GRIP2: variants seen among roughly 807,000 people sequenced by gnomAD.
GRIP2 encodes the protein glutamate receptor-interacting protein 2.
Under a neutral mutation model 108.3 loss-of-function variants are expected in GRIP2, and 58 were observed. The ratio of observed to expected loss-of-function variants is 0.54; its 90% confidence interval spans 0.43 to 0.67. The LOEUF (loss-of-function observed/expected upper bound fraction) is 0.67, where lower values mean the gene tolerates loss of function less well. Among genes scored for constraint, GRIP2 ranks in the 30% least tolerant of loss-of-function variants. The pLI is 0.00. For missense variants in GRIP2, 1,278 were observed against 1,430.6 expected (o/e 0.89, Z 1.72); for synonymous variants, 586 against 598.2 (o/e 0.98, Z 0.30).
the GRIP2 span, among the ~76,000 whole-genome samples, chr3:14,572,273 T>C: frequency 4.0e-5 from 6 of 150,604 alleles, no homozygotes; most frequent in African/African-American, 7.3e-5. Flanking sequence ...TTTTTTTTTT[T>C]CTAAAACGCT....
chr3:14,525,629 C>T (rs1236093612), intron 2 of GRIP2, 57 bp from the exon 3 acceptor site: 5 of 1,602,748 alleles, frequency 3.1e-6, no homozygotes, highest in Non-Finnish European at 4.3e-6. Flanking sequence ...CCCAGGCCCC[C>T]AGCTCTAAGA....
intron 1 of GRIP2, among the ~76,000 whole-genome samples, chr3:14,553,272 T>C (rs1212918530): frequency 6.6e-6 from 1 of 152,050 alleles, no homozygotes; most frequent in African/African-American, 2.4e-5. Context: ...CACGTTCAGC[T>C]AATTTTTGTA....
chr3:14,531,280 A>G (rs186582204), intron 1 of GRIP2, among the ~76,000 whole-genome samples: 4 of 152,232 alleles, frequency 2.6e-5, no homozygotes, highest in Admixed American at 2.6e-4. Context: ...TGATGGGGTG[A>G]TTACACAGAC....
the GRIP2 span, among the ~76,000 whole-genome samples, chr3:14,568,556 C>T: frequency 2.6e-5 from 4 of 152,156 alleles, no homozygotes; most frequent in Admixed American, 6.5e-5. Flanking sequence ...CTGTCATGAG[C>T]GTCTCCTTGG....
chr3:14,603,003 C>G, the GRIP2 span, among the ~76,000 whole-genome samples: 1 of 146,810 alleles, frequency 6.8e-6, no homozygotes. Flanking sequence ...GCCCTGCGGC[C>G]CGGCCCGGCC....
intron 9 of GRIP2, 47 bp from the exon 10 acceptor site, chr3:14,517,944 C>T (rs2124909932): frequency 6.7e-7 from 1 of 1,482,156 alleles, no homozygotes; most frequent in Admixed American, 2.5e-5. Flanking sequence ...GCGTTAGTGG[C>T]TGAGGGCACT....
chr3:14,599,365 C>G, the GRIP2 span, among the ~76,000 whole-genome samples: 3 of 152,182 alleles, frequency 2.0e-5, no homozygotes, highest in Non-Finnish European at 4.4e-5. Flanking sequence ...CAGGAAGAAT[C>G]TGCTGGTGGA....
At chr3:14,567,643 C>A in the GRIP2 span, among the ~76,000 whole-genome samples, 2 of 152,184 alleles carry the variant, frequency 1.3e-5, no homozygotes, top group Non-Finnish European at 2.9e-5. Flanking sequence ...ATTGAGAGAA[C>A]CTGTAATGAT....
chr3:14,510,078 T>G, intron 16 of GRIP2, 114 bp from the exon 17 acceptor site: 1 of 996,744 alleles, frequency 1.0e-6, no homozygotes, highest in Non-Finnish European at 1.3e-6. Context: ...ACCCAGTCAC[T>G]CACGCTCTGA....
chr3:14,556,538 G>A (rs1695239536), upstream of GRIP2, among the ~76,000 whole-genome samples: 1 of 152,178 alleles, frequency 6.6e-6, no homozygotes, highest in Admixed American at 6.5e-5. Flanking sequence ...GAGTCCACTT[G>A]TCCTGTGTCC....
At position 14,489,258 on chromosome 3, in the gene GRIP2, A is replaced by T. The variant is rs916662510; in HGVS notation, c.*4407T>A. The T allele has an allele frequency of 1.3e-5, 2 of 152,498 alleles. No homozygotes were observed. The highest frequency in any genetic ancestry group is 2.9e-5 in the Non-Finnish European group (2 of 68,022). The allele number at this position is 152,498 out of a possible 1,614,324, so 9.4% of individuals were successfully genotyped here. On this transcript the variant is annotated 3_prime_UTR_variant, in exon 24 of 24. Transcript: ENST00000621039. ...TCTTTTGCTTTTTAGATAAATATGT[A>T]TATCAATATTTTAAATTCATCTTTG... is the stretch of plus-strand genomic sequence containing the variant.
chr3:14,495,666 A>G (rs1197989144), intron 22 of GRIP2, among the ~76,000 whole-genome samples: 1 of 151,998 alleles, frequency 6.6e-6, no homozygotes, highest in South Asian at 2.1e-4. Flanking sequence ...CAGCCTCCCA[A>G]AGTGCTGGGA....
chr3:14,585,191 T>G, the GRIP2 span, among the ~76,000 whole-genome samples: 1 of 152,136 alleles, frequency 6.6e-6, no homozygotes, highest in Non-Finnish European at 1.5e-5. Flanking sequence ...CCCAGCTAAT[T>G]TTTGTATTTT....
chr3:14,517,302 G>C, intron 10 of GRIP2, 89 bp from the exon 11 acceptor site: 1 of 1,308,198 alleles, frequency 7.6e-7, no homozygotes, highest in Non-Finnish European at 1.0e-6. Flanking sequence ...CCCAACCACA[G>C]GGAGAGATGG....
At chr3:14,572,699 A>C in the GRIP2 span, among the ~76,000 whole-genome samples, 1 of 152,020 alleles carries the variant, frequency 6.6e-6, no homozygotes, top group South Asian at 2.1e-4. Context: ...GGGGTTCAAC[A>C]GAAGTGAACA....
chr3:14,532,965 G>C (rs973145367), intron 1 of GRIP2, among the ~76,000 whole-genome samples: 1 of 152,300 alleles, frequency 6.6e-6, no homozygotes, highest in Non-Finnish European at 1.5e-5. Flanking sequence ...ACCGTGCTCC[G>C]CCAGACCAGG....
At chr3:14,551,196 G>T (rs1262887968) in intron 1 of GRIP2, among the ~76,000 whole-genome samples, 2 of 152,164 alleles carry the variant, frequency 1.3e-5, no homozygotes, top group Non-Finnish European at 2.9e-5. Flanking sequence ...TATCTCCCCA[G>T]TGGGTGGGGA....
At chr3:14,599,681 CTCTCTGTGTGTG>C in the GRIP2 span, among the ~76,000 whole-genome samples, 1 of 130,488 alleles carries the variant, frequency 7.7e-6, no homozygotes, top group African/African-American at 3.0e-5. Context: ...CTCTCTCTCT[CTCTCTGTGTGTG>C]TGTGTGTGTG....
chr3:14,569,988 T>G, the GRIP2 span, among the ~76,000 whole-genome samples: 3 of 152,106 alleles, frequency 2.0e-5, no homozygotes, highest in Non-Finnish European at 2.9e-5. Flanking sequence ...AAACTGAGGC[T>G]CGGAGAGGTG....
Sources: gnomAD v4.1 joint callset for allele counts (sites outside exome capture counted in the v4.1 genomes callset) on GRCh38, gnomAD v4.1.1 for gene constraint, MANE v1.5 for transcripts, NCBI Gene and HGNC (gene_info 2026-07-23, HGNC 2026-07-21) for gene names.